The following ARSA variants were observed in gnomAD, a reference collection of about 807,000 sequenced individuals.
ARSA encodes arylsulfatase A, also known as cerebroside-sulfatase.
A neutral mutation model predicts 37.8 loss-of-function variants in ARSA; 32 were observed. The observed-to-expected ratio is 0.85, with a 90% CI of 0.64 to 1.14. The LOEUF (loss-of-function observed/expected upper bound fraction) is 1.14. Ranked by LOEUF, ARSA falls within the 50% of genes most tolerant of loss-of-function variation. ARSA has a pLI of 0.00. For synonymous variants in ARSA, 303 were observed against 303.4 expected (o/e 1.00, Z 0.01); for missense variants, 685 against 686.3 (o/e 1.00, Z 0.02).
In ARSA at chr22:50,627,701, G is replaced by C; in HGVS notation, c.79C>G (p.Leu27Val). ...TAGCCGAGGTCGTCGGCAAAGATCAGCACGATGTTGGGCGGACGGGCAACG... is the reference window on the plus strand; with the variant it reads ...TAGCCGAGGTCGTCGGCAAAGATCACCACGATGTTGGGCGGACGGGCAACG... ...LAVARPPNIV[L>V]IFADDLGYGD... Residue 27 changes from leucine (L) to valine (V), a missense_variant, in exon 1 of 8, where the codon CTG becomes GTG. By Grantham distance (32) the Leu-to-Val change is conservative (BLOSUM62 1). Transcript: ENST00000216124. The C allele has an allele frequency of 1.3e-6, 2 of 1,556,060 alleles. No individual in the cohort carries two copies. Among genetic ancestry groups the C allele is most frequent in the African/African-American group, 2.7e-5 (2 of 73,532 alleles).
In ARSA at chr22:50,627,804, G is replaced by A. The variant is rs962359137; in HGVS notation, c.-25C>T. 1.4e-5 allele frequency: 22 copies of A among 1,530,816 alleles called. No individual in the cohort carries two copies. The highest frequency in any genetic ancestry group is 4.1e-5 in the African/African-American group (3 of 72,794). 94.8% of individuals were successfully genotyped at this position (1,530,816 alleles called of 1,614,324 possible). On this transcript the variant is annotated 5_prime_UTR_variant, in exon 1 of 8. Transcript: ENST00000216124. ...TGGGACCGAGGGGTCTGTCCCAAGA[G>A]AGGGAGGGCTACTTGGCTCCAGCAG...
Position 50,624,463 on chromosome 22 carries a change from C to G in ARSA, c.*682G>C, listed in dbSNP as rs7288338. 0.41 allele frequency among the ~76,000 whole-genome samples: 62,828 copies of G among 151,922 alleles called. 13,572 individuals are homozygous for G. The highest frequency in any genetic ancestry group is 0.48 in the Non-Finnish European group (32,746 of 67,926). The stretch of plus-strand genomic sequence containing the variant: ...AAGGCAGGAGACAGAAGTGTGGGCA[C>G]AGGTGAAATGCAGAGGCCTGGGAGG... On this transcript the variant is annotated 3_prime_UTR_variant, in exon 8 of 8. Transcript: ENST00000216124.
chr22:50,626,119 G>A, intron 5 of ARSA, 35 bp downstream of exon 5: 5 of 1,599,446 alleles, frequency 3.1e-6, no homozygotes, highest in Non-Finnish European at 4.3e-6. Context: ...GGGGTGGTGG[G>A]GCCAGGGTTC....
intron 6 of ARSA, 64 bp downstream of exon 6, chr22:50,625,872 A>G (rs2082655923): frequency 6.4e-7 from 1 of 1,554,620 alleles, no homozygotes; most frequent in Non-Finnish European, 8.7e-7. Context: ...CACTGCCCAC[A>G]CTCACCCCAG....
chr22:50,626,499 C>G, intron 4 of ARSA, 92 bp downstream of exon 4: 2 of 1,580,640 alleles, frequency 1.3e-6, no homozygotes, highest in Non-Finnish European at 1.7e-6. Flanking sequence ...ACCCCCTCAC[C>G]CACTATGTTC....
Position 50,625,094 on chromosome 22 carries a change from C to T in ARSA, c.*51G>A, listed in dbSNP as rs777528466. On this transcript the variant is annotated 3_prime_UTR_variant, in exon 8 of 8. Transcript: ENST00000216124. ...CCCCTCCAGACACCTGAGCCTCCCC[C>T]ACAGGCTCCCAGTGAGGAGCCATCA... 6.8e-6 allele frequency: 10 copies of T among 1,464,968 alleles called. No individual in the cohort carries two copies. Among genetic ancestry groups the T allele is most frequent in the Non-Finnish European group, 9.0e-6 (10 of 1,109,852 alleles). 90.7% of individuals were successfully genotyped at this position (1,464,968 alleles called of 1,614,324 possible). A position where few individuals can be genotyped will look rare whatever the true frequency, so the allele number is the denominator to read the frequency against.
rs759357711 is a variant in ARSA at position 50,625,229 on chromosome 22, G to C, written c.1446C>G (p.Gly482=). 8.7e-6 allele frequency: 14 copies of C among 1,609,828 alleles called. No homozygotes were observed. The highest frequency in any genetic ancestry group is 4.5e-5 in the East Asian group (2 of 44,832). The change falls in exon 8 of 8, where the codon GGC becomes GGG. Residue 482 remains glycine (G), a synonymous_variant. Transcript: ENST00000216124. The stretch of plus-strand genomic sequence containing the variant: ...AGCAGATCTGCAGGGCGGGGTCCTC[G>C]CCCCGGGCCACCTGGCTGGGGCCGA... ...VTFGPSQVAR[G]EDPALQICCH...
chr22:50,625,519 ATCTAGGGC>A, intron 7 of ARSA, 52 bp downstream of exon 7: 1 of 1,608,684 alleles, frequency 6.2e-7, no homozygotes, highest in Non-Finnish European at 8.5e-7. Flanking sequence ...GGGGCCAGGG[ATCTAGGGC>A]TCCGGGGAGG....
chr22:50,626,930 C>T lies in ARSA; in HGVS notation c.588G>A (p.Leu196=), dbSNP rs758643108. 5.4e-5 allele frequency: 87 copies of T among 1,613,096 alleles called. No individual in the cohort carries two copies. Among genetic ancestry groups the T allele is most frequent in the Non-Finnish European group, 6.4e-5 (76 of 1,179,966 alleles). Residue 196 remains leucine (L), a synonymous_variant, in exon 3 of 8, where the codon CTG becomes CTA. Transcript: ENST00000216124. ...NLSVEAQPPW[L]PGLEARYMAF... is the part of the protein sequence containing the mutation. Reference sequence around the variant, plus strand: ...CCATGTAGCGGGCCTCTAGTCCGGGCAGCCAGGGGGGCTGCGCCTCCACGG... The same window carrying T: ...CCATGTAGCGGGCCTCTAGTCCGGGTAGCCAGGGGGGCTGCGCCTCCACGG...
chr22:50,626,399 C>T (rs2146721284), intron 4 of ARSA, 121 bp from the exon 5 acceptor site: 15 of 1,518,746 alleles, frequency 9.9e-6, no homozygotes, highest in Non-Finnish European at 1.3e-5. Context: ...ATGAGCCCGG[C>T]ACCTCCCAGG....
rs1204080438 is a variant in ARSA, at chr22:50,624,196, C to G, written c.*949G>C. Among the ~76,000 whole-genome samples the G allele has an allele frequency of 6.6e-6, 1 of 152,078 alleles. No homozygotes were observed. Among genetic ancestry groups the G allele is most frequent in the Non-Finnish European group, 1.5e-5 (1 of 68,032 alleles). On this transcript the variant is annotated 3_prime_UTR_variant, in exon 8 of 8. Coordinates refer to ENST00000216124, the MANE Select transcript of ARSA (RefSeq NM_000487.6). ...AAGTGATTCTCCAGCCTCAGACTCC[C>G]AAGTAGCTGGGATTACAGGGATGCA...
Position 50,628,138 on chromosome 22 carries a change from GGGCGCTTCC to G in ARSA, c.-368_-360del, listed in dbSNP as rs1569083314. On this transcript the variant is annotated 5_prime_UTR_variant, in exon 1 of 8. Coordinates refer to ENST00000216124, the MANE Select transcript of ARSA (RefSeq NM_000487.6). ...CCAGGAGGAGCCGGTACCGGGCTGC[GGGCGCTTCC>G]GCCTCGGCCCCGCCCCGTGACCTGT... is the stretch of plus-strand genomic sequence containing the variant. 5.2e-6 allele frequency: 1 copy of G among 191,690 alleles called. No homozygotes were observed. The highest frequency in any genetic ancestry group is 2.4e-5 in the African/African-American group (1 of 42,486). 11.9% of individuals were successfully genotyped at this position (191,690 alleles called of 1,614,324 possible). A position where few individuals can be genotyped will look rare whatever the true frequency, so the allele number is the denominator to read the frequency against.
At position 50,626,642 on chromosome 22, in the gene ARSA, C is replaced by T; in HGVS notation, c.803G>A (p.Gly268Glu). 1 of 1,614,128 alleles carries T rather than the reference C, an allele frequency of 6.2e-7. No homozygotes were observed. Among genetic ancestry groups the T allele is most frequent in the Non-Finnish European group, 8.5e-7 (1 of 1,180,040 alleles). ...AAVGTLMTAI[G>E]DLGLLEETLV... ...CGTCTCTTCAAGCAGCCCCAGGTCC[C>T]CTATGGCTGTCATCAGGGTCCCCAC... Residue 268 changes from glycine (G) to glutamate (E), a missense_variant, in exon 4 of 8, where the codon GGG becomes GAG. Physicochemically the swap from Gly to Glu is moderately conservative, Grantham distance 98 (BLOSUM62 -2). Coordinates refer to ENST00000216124, the MANE Select transcript of ARSA (RefSeq NM_000487.6).
At chr22:50,626,124 G>T in intron 5 of ARSA, 30 bp downstream of exon 5, 1 of 1,599,426 alleles carries the variant, frequency 6.3e-7, no homozygotes, top group African/African-American at 1.3e-5. Flanking sequence ...GGTGGGGCCA[G>T]GGTTCCAAGG....
At position 50,627,691 on chromosome 22, in the gene ARSA, G is replaced by T; in HGVS notation, c.89C>A (p.Ala30Asp). Residue 30 changes from alanine (A) to aspartate (D), a missense_variant, in exon 1 of 8, where the codon GCC (alanine) becomes GAC (aspartate). By Grantham distance (126) the Ala-to-Asp change is moderately radical. Transcript: ENST00000216124. ...CAGGTCCCCATAGCCGAGGTCGTCGGCAAAGATCAGCACGATGTTGGGCGG... is the reference window on the plus strand; with the variant it reads ...CAGGTCCCCATAGCCGAGGTCGTCGTCAAAGATCAGCACGATGTTGGGCGG... ...ARPPNIVLIF[A>D]DDLGYGDLGC... 6.4e-7 allele frequency: 1 copy of T among 1,556,560 alleles called. No individual in the cohort carries two copies. Among genetic ancestry groups the T allele is most frequent in the Non-Finnish European group, 8.7e-7 (1 of 1,149,972 alleles).
Position 50,623,934 on chromosome 22 carries a change from A to AAAAAC in ARSA, c.*1206_*1210dup. 1.5e-5 allele frequency: 2 copies of AAAAAC among 130,910 alleles called. No homozygotes were observed. The highest frequency in any genetic ancestry group is 2.9e-5 in the African/African-American group (1 of 34,858). 8.1% of individuals were successfully genotyped at this position (130,910 alleles called of 1,614,324 possible). A position where few individuals can be genotyped will look rare whatever the true frequency, so the allele number is the denominator to read the frequency against. On this transcript the variant is annotated 3_prime_UTR_variant, in exon 8 of 8. Coordinates refer to ENST00000216124, the MANE Select transcript of ARSA (RefSeq NM_000487.6). ...AAAAAAAAAAAAAAAAAAAAAAAAAAAAAACAAAAACAAATCTTTAGAGCT... is the reference window on the plus strand; with the variant it reads ...AAAAAAAAAAAAAAAAAAAAAAAAAAAAAACAAAACAAAAACAAATCTTTAGAGCT...
Position 50,623,753 on chromosome 22 carries a change from G to A in ARSA, c.*1392C>T, listed in dbSNP as rs994281549. The A allele has an allele frequency of 6.6e-6, 1 of 151,880 alleles. No homozygotes were observed. The highest frequency in any genetic ancestry group is 1.5e-5 in the Non-Finnish European group (1 of 67,986). The allele number at this position is 151,880 out of a possible 1,614,324, so 9.4% of individuals were successfully genotyped here. On this transcript the variant is annotated 3_prime_UTR_variant, in exon 8 of 8. Coordinates refer to ENST00000216124, the MANE Select transcript of ARSA (RefSeq NM_000487.6). ...GTCTCTATTAAATAAAAAAAAATTAGCTGGGCATGGCAGCACACACCTGTA... is the reference window on the plus strand; with the variant it reads ...GTCTCTATTAAATAAAAAAAAATTAACTGGGCATGGCAGCACACACCTGTA...
At position 50,627,281 on chromosome 22, in the gene ARSA, C is replaced by A; in HGVS notation, c.350G>T (p.Gly117Val). Residue 117 changes from glycine to valine, a missense_variant, in exon 2 of 8, where the codon GGC (glycine) becomes GTC (valine). By Grantham distance (109) the Gly-to-Val change is moderately radical. Transcript: ENST00000216124. Reference protein sequence around the residue: ...VTVAEVLAARGYLTGMAGKWH... With the variant: ...VTVAEVLAARVYLTGMAGKWH... ...CTTGCCGGCCATTCCTGTGAGGTAG[C>A]CTCGGGCAGCCAGGACTTCGGCCAC... The A allele has an allele frequency of 6.3e-7, 1 of 1,592,778 alleles. No homozygotes were observed. The highest frequency in any genetic ancestry group is 8.5e-7 in the Non-Finnish European group (1 of 1,170,610).
In ARSA at chr22:50,625,652, C is replaced by G; in HGVS notation, c.1137G>C (p.Pro379=). The G allele has an allele frequency of 1.2e-6, 2 of 1,613,622 alleles. No individual in the cohort carries two copies. Among genetic ancestry groups the G allele is most frequent in the Non-Finnish European group, 1.7e-6 (2 of 1,179,956 alleles). ...CCCCACGGACCTCGTCTGGGTAGGACGGGTAGAAGAAGAGAGACTGCCGAG... is the reference window on the plus strand; with the variant it reads ...CCCCACGGACCTCGTCTGGGTAGGAGGGGTAGAAGAAGAGAGACTGCCGAG... The part of the protein sequence containing the change: ...KSPRQSLFFY[P]SYPDEVRGVF... Residue 379 remains proline (P), a synonymous_variant, in exon 7 of 8, where the codon CCG becomes CCC. Coordinates refer to ENST00000216124, the MANE Select transcript of ARSA (RefSeq NM_000487.6).
Sources: allele counts gnomAD v4.1 joint callset (sites outside exome capture counted in the v4.1 genomes callset), GRCh38; gene constraint gnomAD v4.1.1; transcripts MANE v1.5; gene names NCBI Gene and HGNC (gene_info 2026-07-23, HGNC 2026-07-21).